IL1RAPL2: variants seen among roughly 807,000 people sequenced by gnomAD.
IL1RAPL2 encodes the protein interleukin 1 receptor accessory protein like 2.
IL1RAPL2 carries 3 observed loss-of-function variants against 44.1 expected under a neutral mutation model. The ratio of observed to expected loss-of-function variants is 0.07; its 90% CI spans 0.03 to 0.18. The LOEUF (loss-of-function observed/expected upper bound fraction) is 0.18. Ranked by LOEUF, IL1RAPL2 falls within the 10% of genes least tolerant of loss-of-function variation. The pLI, the probability that IL1RAPL2 is intolerant of heterozygous loss-of-function variation, is 1.00. For synonymous variants in IL1RAPL2, 181 were observed against 178.8 expected (o/e 1.01, Z -0.10); for missense variants, 391 against 496.4 (o/e 0.79, Z 2.02).
intron 5 of IL1RAPL2, among the ~76,000 whole-genome samples, chrX:105,408,362 G>A (rs988700262): frequency 1.8e-5 from 2 of 111,183 alleles, no homozygotes; most frequent in African/African-American, 6.5e-5. Context: ...TACCCCAAGA[G>A]CAGGGATATT....
chrX:105,203,500 T>G, intron 3 of IL1RAPL2, among the ~76,000 whole-genome samples: 1 of 89,288 alleles, frequency 1.1e-5, no homozygotes, highest in East Asian at 3.7e-4. Context: ...GTGTATCAAT[T>G]ATATCTCAAT....
In IL1RAPL2 at chrX:104,667,773, C is replaced by G. The variant is rs772802287; in HGVS notation, c.82+8778C>G. 1.7e-4 allele frequency among the ~76,000 whole-genome samples: 19 copies of G among 111,447 alleles called. No homozygotes were observed. In the South Asian group the frequency reaches 7.2e-3, roughly 42 times the overall value. On this transcript the variant is annotated intron_variant, in intron 2 of 10. Transcript: ENST00000372582. ...GTGGAAAATTTAGGTTTCAGATGAT[C>G]GACTGATTCCAAAGTTTATGCTCTT...
Position 105,348,333 on chromosome X carries a change from G to A in IL1RAPL2, c.697+80792G>A, listed in dbSNP as rs1004753968. Among the ~76,000 whole-genome samples, 17 of 111,044 alleles carry A rather than the reference G, an allele frequency of 1.5e-4. No individual in the cohort carries two copies. The Admixed American group carries it at 1.6e-3, about 11-fold the overall frequency. On this transcript the variant is annotated intron_variant, in intron 5 of 10. Coordinates refer to ENST00000372582, the MANE Select transcript of IL1RAPL2 (RefSeq NM_017416.2). The stretch of plus-strand genomic sequence containing the variant: ...CCAGATATCCTGGGTTGGAATCCTG[G>A]CTCTTCCAATTAATAGCTTAGTGAC...
chrX:104,913,943 T>A (rs1324928100), intron 2 of IL1RAPL2, among the ~76,000 whole-genome samples: 1 of 112,228 alleles, frequency 8.9e-6, no homozygotes, highest in East Asian at 2.8e-4. Flanking sequence ...TGATAAATTT[T>A]CTGCATTTAT....
At chrX:105,401,302 TA>T (rs1162002934) in intron 5 of IL1RAPL2, among the ~76,000 whole-genome samples, 30 of 111,345 alleles carry the variant, frequency 2.7e-4, no homozygotes, top group African/African-American at 9.8e-4. Flanking sequence ...GCCAAAAGGT[TA>T]TATGAGATTG....
At chrX:105,128,232 C>A (rs1459539611) in intron 2 of IL1RAPL2, among the ~76,000 whole-genome samples, 1 of 110,041 alleles carries the variant, frequency 9.1e-6, no homozygotes, top group Non-Finnish European at 1.9e-5. Flanking sequence ...ACTGTTATTG[C>A]TCATTCTTAT....
At chrX:104,641,615 C>G (rs906325267) in intron 1 of IL1RAPL2, among the ~76,000 whole-genome samples, 3 of 111,681 alleles carry the variant, frequency 2.7e-5, no homozygotes, top group Non-Finnish European at 5.7e-5. Context: ...GCCCCCACCC[C>G]AGATGCAGGA....
rs116194166 is a variant in IL1RAPL2 at position 105,567,767 on chromosome X, C to T, written c.772+83380C>T. Among the ~76,000 whole-genome samples, 369 of 111,188 alleles carry T rather than the reference C, an allele frequency of 3.3e-3. 2 individuals are homozygous for T. The highest frequency in any genetic ancestry group is 0.011 in the African/African-American group (348 of 30,673). ...TGGATTTTCTGGCCTGGAAAATTTA[C>T]GGACTTTATTAAATATAATATTATT... On this transcript the variant is annotated intron_variant, in intron 6 of 10. Transcript: ENST00000372582.
intron 2 of IL1RAPL2, among the ~76,000 whole-genome samples, chrX:105,142,524 C>T (rs138471314): frequency 6.1e-4 from 68 of 110,750 alleles, no homozygotes; most frequent in African/African-American, 2.2e-3. Context: ...TAGGCACATG[C>T]GGTGGGAGGG....
At chrX:104,572,144 G>T (rs907805336) in intron 1 of IL1RAPL2, among the ~76,000 whole-genome samples, 4 of 111,462 alleles carry the variant, frequency 3.6e-5, no homozygotes, top group African/African-American at 9.8e-5. Flanking sequence ...ATAATTATTT[G>T]TGAGGCAGGT....
At chrX:105,146,319 C>A (rs764996971) in intron 2 of IL1RAPL2, among the ~76,000 whole-genome samples, 1 of 110,871 alleles carries the variant, frequency 9.0e-6, no homozygotes, top group Admixed American at 9.7e-5. Flanking sequence ...TTCCCAGGGC[C>A]TTGCCTTCTT....
At chrX:105,460,350 C>T (rs1569443861) in intron 5 of IL1RAPL2, among the ~76,000 whole-genome samples, 1 of 110,243 alleles carries the variant, frequency 9.1e-6, no homozygotes, top group Non-Finnish European at 1.9e-5. Context: ...ATGTCTCCTT[C>T]CTTCTTTCCT....
At chrX:105,191,793 G>T (rs141365747) in intron 2 of IL1RAPL2, among the ~76,000 whole-genome samples, 1 of 112,035 alleles carries the variant, frequency 8.9e-6, no homozygotes, top group Non-Finnish European at 1.9e-5. Flanking sequence ...CAGTGGGTTC[G>T]TTCCGTAGCA....
At chrX:105,343,234 TG>T (rs2035085017) in intron 5 of IL1RAPL2, among the ~76,000 whole-genome samples, 2 of 112,101 alleles carry the variant, frequency 1.8e-5, no homozygotes, top group South Asian at 7.4e-4. Flanking sequence ...ATATGTTCTT[TG>T]CAGTATTTCT....
At chrX:105,217,650 C>T (rs2033876968) in intron 3 of IL1RAPL2, among the ~76,000 whole-genome samples, 1 of 112,158 alleles carries the variant, frequency 8.9e-6, no homozygotes, top group Non-Finnish European at 1.9e-5. Flanking sequence ...CACATGCACA[C>T]ATATGTTTAT....
At chrX:104,696,242 T>C (rs903488145) in intron 2 of IL1RAPL2, among the ~76,000 whole-genome samples, 2 of 112,344 alleles carry the variant, frequency 1.8e-5, no homozygotes, top group Non-Finnish European at 3.8e-5. Flanking sequence ...AGCTATCACC[T>C]GTTTTTAAAA....
At chrX:104,926,355 C>T (rs979706202) in intron 2 of IL1RAPL2, among the ~76,000 whole-genome samples, 25 of 112,012 alleles carry the variant, frequency 2.2e-4, no homozygotes, top group African/African-American at 6.8e-4. Context: ...CAAAATATAT[C>T]GAGAGAAAGA....
chrX:105,473,139 A>T (rs2036176097), intron 5 of IL1RAPL2, among the ~76,000 whole-genome samples: 1 of 111,869 alleles, frequency 8.9e-6, no homozygotes, highest in African/African-American at 3.2e-5. Context: ...ATTAGGATTT[A>T]CATTTTGGTT....
At chrX:104,782,529 C>T (rs1247936915) in intron 2 of IL1RAPL2, among the ~76,000 whole-genome samples, 4 of 111,860 alleles carry the variant, frequency 3.6e-5, no homozygotes, top group Non-Finnish European at 7.5e-5. Context: ...AGTATTTATA[C>T]AGTAGTCAAA....
Sources: allele counts gnomAD v4.1 joint callset (sites outside exome capture counted in the v4.1 genomes callset), GRCh38; gene constraint gnomAD v4.1.1; transcripts MANE v1.5; gene names NCBI Gene and HGNC (gene_info 2026-07-23, HGNC 2026-07-21).